The following MAN2A2 variants were observed in gnomAD, a reference collection of about 807,000 sequenced individuals.
MAN2A2 encodes alpha-mannosidase 2x.
In MAN2A2, 79 loss-of-function variants were observed where a neutral mutation model predicts 126.8. That is an observed-to-expected ratio of 0.62 (90% CI 0.52 to 0.75). The LOEUF is 0.75. Ranked by LOEUF, MAN2A2 falls within the 30% of genes least tolerant of loss-of-function variation. MAN2A2 has a pLI of 0.00. For synonymous variants in MAN2A2, 671 were observed against 618.7 expected (o/e 1.08, Z -1.25); for missense variants, 1,392 against 1,522.4 (o/e 0.91, Z 1.43).
At chr15:90,911,794 C>A in intron 14 of MAN2A2, 1 of 602,390 alleles carries the variant, frequency 1.7e-6, no homozygotes, top group African/African-American at 1.9e-5. Context: ...AATGCCCCAT[C>A]ATTCAGTCAT....
intron 8 of MAN2A2, among the ~76,000 whole-genome samples, chr15:90,908,514 A>G (rs1344684763): frequency 1.3e-5 from 2 of 152,136 alleles, no homozygotes; most frequent in Admixed American, 1.3e-4. Context: ...AGTTCCCATT[A>G]TGTACCAGGC....
rs2034912693 is a variant in MAN2A2 at position 90,913,305 on chromosome 15, C to T, written c.2617C>T (p.Leu873=). Residue 873 remains leucine, a synonymous_variant, in exon 18 of 23, where the codon CTG becomes TTG. Transcript: ENST00000559717. ...GGGGCTGTCTCTGGACATATCATCC[C>T]TGGTGGACATCCGGGACTACGTCAA... The part of the protein sequence containing the change: ...VEGLSLDISS[L]VDIRDYVNKE... 1 of 1,614,126 alleles carries T rather than the reference C, an allele frequency of 6.2e-7. No homozygotes were observed. The highest frequency in any genetic ancestry group is 1.1e-5 in the South Asian group (1 of 91,082).
chr15:90,904,339 G>A lies in MAN2A2; in HGVS notation c.132G>A (p.Arg44=). The A allele has an allele frequency of 6.2e-7, 1 of 1,613,166 alleles. No individual in the cohort carries two copies. The highest frequency in any genetic ancestry group is 8.5e-7 in the Non-Finnish European group (1 of 1,179,302). The change falls in exon 2 of 23, where the codon CGG becomes CGA. Residue 44 remains arginine (R), a splice_region_variant and synonymous_variant. Coordinates refer to ENST00000559717, the MANE Select transcript of MAN2A2 (RefSeq NM_006122.4). ...TRHQNGGNFP[R]SQISVLQNRI... ...ACCAGAATGGTGGGAACTTCCCCCG[G>A]GTGAGTCGTGCCTGGTTGCTAATTT...
At position 90,910,908 on chromosome 15, in the gene MAN2A2, C is replaced by T; in HGVS notation, c.1822C>T (p.Leu608=). ...VIIHAAHYLV[L]GDKETYHFDP... ...CATTCATGCAGCCCACTATCTGGTGCTGGGGGACAAGGAGACCTACCACTT... is the reference window on the plus strand; with the variant it reads ...CATTCATGCAGCCCACTATCTGGTGTTGGGGGACAAGGAGACCTACCACTT... The change falls in exon 12 of 23, where the codon CTG becomes TTG. Residue 608 remains leucine (L), a synonymous_variant. Transcript: ENST00000559717. 1 of 1,614,198 alleles carries T rather than the reference C, an allele frequency of 6.2e-7. No homozygotes were observed.
chr15:90,920,079 C>G lies in MAN2A2; in HGVS notation c.*292C>G. ...TTGTGAGTGGACACCCAACTGGGCACAGGCTCAGGCACCCATCCTTTTTCC... is the reference window on the plus strand; with the variant it reads ...TTGTGAGTGGACACCCAACTGGGCAGAGGCTCAGGCACCCATCCTTTTTCC... On this transcript the variant is annotated 3_prime_UTR_variant, in exon 23 of 23. Transcript: ENST00000559717. 2.8e-6 allele frequency: 1 copy of G among 362,880 alleles called. No individual in the cohort carries two copies. The highest frequency in any genetic ancestry group is 5.1e-6 in the Non-Finnish European group (1 of 196,986). 22.5% of individuals were successfully genotyped at this position (362,880 alleles called of 1,614,324 possible). A position where few individuals can be genotyped will look rare whatever the true frequency, so the allele number is the denominator to read the frequency against.
At chr15:90,907,260 C>T (rs765470068) in intron 7 of MAN2A2, 49 bp from the exon 8 acceptor site, 6 of 1,563,700 alleles carry the variant, frequency 3.8e-6, no homozygotes, top group East Asian at 2.3e-5. Flanking sequence ...GCCCCCCTGG[C>T]GTCCAGAGGC....
intron 8 of MAN2A2, among the ~76,000 whole-genome samples, chr15:90,909,046 A>T (rs948734548): frequency 6.6e-6 from 1 of 152,190 alleles, no homozygotes; most frequent in African/African-American, 2.4e-5. Context: ...TTGGTGCTGC[A>T]TCGCTAACTG....
chr15:90,918,141 C>G, intron 20 of MAN2A2, 53 bp from the exon 21 acceptor site: 1 of 1,541,842 alleles, frequency 6.5e-7, no homozygotes, highest in Non-Finnish European at 8.9e-7. Context: ...GCCTCGTCCT[C>G]TCCCCTCAGC....
Position 90,905,351 on chromosome 15 carries a change from T to C in MAN2A2, c.233T>C (p.Leu78Pro), listed in dbSNP as rs1473076563. The change falls in exon 3 of 23, where the codon CTG (leucine) becomes CCG (proline). Residue 78 changes from leucine to proline, a missense_variant. By Grantham distance (98) the Leu-to-Pro change is moderately conservative. Transcript: ENST00000559717. ...CATATCAAGGACTCCGTGCTGGAGC[T>C]GACAGCCAACGCAGAGGGCCCGCCC... The part of the protein sequence containing the change: ...ISHIKDSVLE[L>P]TANAEGPPAM... 2 of 1,613,872 alleles carry C rather than the reference T, an allele frequency of 1.2e-6. No homozygotes were observed. The highest frequency in any genetic ancestry group is 1.1e-5 in the South Asian group (1 of 91,084).
intron 15 of MAN2A2, 64 bp from the exon 16 acceptor site, chr15:90,912,478 C>A (rs776084626): frequency 6.2e-7 from 1 of 1,600,060 alleles, no homozygotes; most frequent in South Asian, 1.1e-5. Context: ...ATTCCGTGTC[C>A]TCCCAGGAGG....
rs774302712 is a variant in MAN2A2 at position 90,910,570 on chromosome 15, A to G, written c.1647A>G (p.Pro549=). Reference sequence around the variant, plus strand: ...GCTCTGGTCTGGCTGGCCGGTACCCACTGTCTGATTTCACCCTCCTGACGG... The same window carrying G: ...GCTCTGGTCTGGCTGGCCGGTACCCGCTGTCTGATTTCACCCTCCTGACGG... ...ARRSGLAGRY[P]LSDFTLLTEA... Residue 549 remains proline, a synonymous_variant, in exon 11 of 23, where the codon CCA becomes CCG. Coordinates refer to ENST00000559717, the MANE Select transcript of MAN2A2 (RefSeq NM_006122.4). The G allele has an allele frequency of 2.5e-5, 40 of 1,613,962 alleles. No individual in the cohort carries two copies. The highest frequency in any genetic ancestry group is 1.8e-4 in the Admixed American group (11 of 59,988).
chr15:90,919,234 T>G (rs568890005), intron 22 of MAN2A2, among the ~76,000 whole-genome samples: 6 of 152,330 alleles, frequency 3.9e-5, no homozygotes, highest in African/African-American at 1.2e-4. Flanking sequence ...TGAGACTGGA[T>G]GCACACTCAT....
At chr15:90,908,125 T>C (rs1241199316) in intron 8 of MAN2A2, among the ~76,000 whole-genome samples, 1 of 152,240 alleles carries the variant, frequency 6.6e-6, no homozygotes, top group African/African-American at 2.4e-5. Flanking sequence ...GTCTTTTGTT[T>C]CCAGAAGTCT....
At chr15:90,919,071 T>C (rs899690471) in intron 22 of MAN2A2, among the ~76,000 whole-genome samples, 6 of 152,194 alleles carry the variant, frequency 3.9e-5, no homozygotes, top group Admixed American at 3.9e-4. Context: ...CTGATAAATG[T>C]CCCCGGGTGC....
At chr15:90,909,277 T>C (rs2034535052) in intron 8 of MAN2A2, 50 bp from the exon 9 acceptor site, 1 of 1,568,154 alleles carries the variant, frequency 6.4e-7, no homozygotes, top group South Asian at 1.2e-5. Flanking sequence ...CGTGGTGCTC[T>C]TTTACTGATG....
At chr15:90,916,613 A>G in intron 20 of MAN2A2, 2 of 1,315,630 alleles carry the variant, frequency 1.5e-6, no homozygotes, top group Non-Finnish European at 2.0e-6. Context: ...ACTGGCAGCC[A>G]TGTTTAGGGG....
intron 21 of MAN2A2, 111 bp from the exon 22 acceptor site, chr15:90,918,533 TC>T (rs2035359624): frequency 8.1e-7 from 1 of 1,228,804 alleles, no homozygotes; most frequent in Admixed American, 2.1e-5. Flanking sequence ...TTTTGGCCTT[TC>T]CTTACCCACA....
rs1486415817 is a variant in MAN2A2 at position 90,916,176 on chromosome 15, C to T, written c.2914C>T (p.Leu972=). 3 of 1,614,100 alleles carry T rather than the reference C, an allele frequency of 1.9e-6. No homozygotes were observed. Among genetic ancestry groups the T allele is most frequent in the Admixed American group, 1.7e-5 (1 of 60,020 alleles). ...GCTGATGCAGGATGACAACCGGGGC[C>T]TAGGCCAAGGGCTCAAGGACAACAA... ...RRLMQDDNRG[L]GQGLKDNKRT... The change falls in exon 20 of 23, where the codon CTA becomes TTA. Residue 972 remains leucine, a synonymous_variant. Coordinates refer to ENST00000559717, the MANE Select transcript of MAN2A2 (RefSeq NM_006122.4).
intron 8 of MAN2A2, 24 bp downstream of exon 8, chr15:90,907,519 T>G (rs1157363933): frequency 6.3e-7 from 1 of 1,597,986 alleles, no homozygotes; most frequent in Admixed American, 1.7e-5. Flanking sequence ...GCCCTTTCAC[T>G]TCACAGAGGA....
Sources: allele counts gnomAD v4.1 joint callset (sites outside exome capture counted in the v4.1 genomes callset), GRCh38; gene constraint gnomAD v4.1.1; transcripts MANE v1.5; gene names NCBI Gene and HGNC (gene_info 2026-07-23, HGNC 2026-07-21).